The following ZNF138 variants were observed in gnomAD, a reference collection of about 807,000 sequenced individuals.
The protein encoded by ZNF138 is zinc finger protein 138, also known as zinc finger protein 138 (clone pHZ-32).
ZNF138 carries 33 observed loss-of-function variants against 33.0 expected under a neutral mutation model. The observed-to-expected ratio is 1.00, with a 90% CI of 0.76 to 1.34. ZNF138 has a LOEUF of 1.34. ZNF138 is among the 40% of genes most tolerant of loss of function. The pLI is 0.00. For missense variants in ZNF138, 360 were observed against 370.8 expected, an observed-to-expected ratio of 0.97 and a Z score of 0.24; for synonymous variants, 139 against 120.4, an observed-to-expected ratio of 1.15 and a Z score of -1.01.
At chr7:64,808,994 A>C (rs1354778959) in intron 1 of ZNF138, among the ~76,000 whole-genome samples, 1 of 134,014 alleles carries the variant, frequency 7.5e-6, no homozygotes, top group East Asian at 2.2e-4. Context: ...CTTTCTACAC[A>C]GACACGGCAA....
Position 64,831,812 on chromosome 7 carries a change from T to C in ZNF138, c.570T>C (p.Thr190=), listed in dbSNP as rs1290054755. The C allele has an allele frequency of 1.5e-5, 24 of 1,613,602 alleles. No homozygotes were observed. Among genetic ancestry groups the C allele is most frequent in the Non-Finnish European group, 2.0e-5 (24 of 1,179,896 alleles). ...TAACTCAACATAAAAAAATTCATAC[T>C]AGAGAGAATTTCTACAAATGTGAAG... ...SRLTQHKKIH[T]RENFYKCEEC... Residue 190 remains threonine, a synonymous_variant, in exon 4 of 4, where the codon ACT becomes ACC. Coordinates refer to ENST00000307355, the MANE Select transcript of ZNF138 (RefSeq NM_001271639.2).
chr7:64,797,562 C>T (rs1786788299), intron 1 of ZNF138, among the ~76,000 whole-genome samples: 2 of 151,978 alleles, frequency 1.3e-5, no homozygotes, highest in South Asian at 4.1e-4. Context: ...GAAGCCTCCC[C>T]TGCGGATGTC....
chr7:64,837,445 G>A (rs545592164), downstream of ZNF138, among the ~76,000 whole-genome samples: 12 of 152,148 alleles, frequency 7.9e-5, no homozygotes, highest in Non-Finnish European at 1.3e-4. Context: ...GTGAGGTAGG[G>A]CAGGTACGTG....
chr7:64,828,533 T>G (rs1384554905), intron 3 of ZNF138, among the ~76,000 whole-genome samples: 2 of 152,176 alleles, frequency 1.3e-5, no homozygotes, highest in African/African-American at 4.8e-5. Flanking sequence ...ATATTTTAAA[T>G]TATATTTACT....
the ZNF138 span, among the ~76,000 whole-genome samples, chr7:64,849,947 C>G: frequency 6.6e-6 from 1 of 152,108 alleles, no homozygotes; most frequent in Non-Finnish European, 1.5e-5. Flanking sequence ...CAATTCACAC[C>G]CTTTCCGAAT....
intron 1 of ZNF138, among the ~76,000 whole-genome samples, chr7:64,807,732 C>A (rs78933589): frequency 6.6e-6 from 1 of 152,162 alleles, no homozygotes; most frequent in Admixed American, 6.5e-5. Flanking sequence ...CTTAAAGCCC[C>A]GCTTTGGGAG....
the ZNF138 span, among the ~76,000 whole-genome samples, chr7:64,860,620 A>G: frequency 1.3e-5 from 2 of 152,220 alleles, no homozygotes; most frequent in Non-Finnish European, 2.9e-5. Context: ...CTAGTAAACT[A>G]AAAATACCCA....
chr7:64,854,492 C>A, the ZNF138 span, among the ~76,000 whole-genome samples: 1 of 152,222 alleles, frequency 6.6e-6, no homozygotes, highest in Non-Finnish European at 1.5e-5. Context: ...CGGCCCACCT[C>A]GGCCTCCAAA....
At chr7:64,823,799 G>T (rs551234000) in intron 3 of ZNF138, among the ~76,000 whole-genome samples, 1 of 152,104 alleles carries the variant, frequency 6.6e-6, no homozygotes, top group South Asian at 2.1e-4. Flanking sequence ...TTAGCTGGGC[G>T]TGGTGGCACG....
intron 1 of ZNF138, among the ~76,000 whole-genome samples, chr7:64,806,978 G>C (rs1787652468): frequency 6.6e-6 from 1 of 152,148 alleles, no homozygotes; most frequent in Non-Finnish European, 1.5e-5. Context: ...GAAGGTTGTG[G>C]GTTTACCGGA....
intron 1 of ZNF138, among the ~76,000 whole-genome samples, chr7:64,799,229 C>T (rs144352523): frequency 4.7e-4 from 72 of 151,950 alleles, no homozygotes; most frequent in African/African-American, 1.6e-3. Context: ...TGCAATGGCA[C>T]GATCTCGGCT....
At chr7:64,849,607 G>A in the ZNF138 span, among the ~76,000 whole-genome samples, 1,405 of 152,152 alleles carry the variant, frequency 9.2e-3, 17 homozygotes, top group Non-Finnish European at 0.015. Context: ...GCTTGGGCGG[G>A]GTTTGCTGCA....
chr7:64,858,514 AAATAT>A, the ZNF138 span, among the ~76,000 whole-genome samples: 2 of 152,256 alleles, frequency 1.3e-5, no homozygotes, highest in Non-Finnish European at 2.9e-5. Context: ...TTGCTTTAAC[AAATAT>A]ATTATTCCTT....
chr7:64,832,078 A>C lies in ZNF138; in HGVS notation c.836A>C (p.Tyr279Ser). The change falls in exon 4 of 4, where the codon TAC becomes TCC. Residue 279 changes from tyrosine to serine, a missense_variant. Coordinates refer to ENST00000307355, the MANE Select transcript of ZNF138 (RefSeq NM_001271639.2). ...HKIIHTEEKPYKCEQCGKVFK... is the reference protein window; with the variant it reads ...HKIIHTEEKPSKCEQCGKVFK... ...ATAATTCATACTGAAGAGAAACCCT[A>C]CAAATGTGAACAATGTGGCAAGGTC... The C allele has an allele frequency of 6.2e-7, 1 of 1,613,864 alleles. No individual in the cohort carries two copies. The highest frequency in any genetic ancestry group is 8.5e-7 in the Non-Finnish European group (1 of 1,179,926).
At chr7:64,800,182 A>T (rs1787031554) in intron 1 of ZNF138, among the ~76,000 whole-genome samples, 1 of 152,060 alleles carries the variant, frequency 6.6e-6, no homozygotes, top group Non-Finnish European at 1.5e-5. Flanking sequence ...AATACCTTTT[A>T]TTTTAGTCTC....
At chr7:64,796,400 G>GT (rs1423729445) in intron 1 of ZNF138, among the ~76,000 whole-genome samples, 1 of 152,120 alleles carries the variant, frequency 6.6e-6, no homozygotes, top group African/African-American at 2.4e-5. Flanking sequence ...AGATACATCT[G>GT]TTTTTTAATC....
downstream of ZNF138, chr7:64,836,288 A>G (rs1219683866): frequency 2.0e-5 from 3 of 152,266 alleles, no homozygotes; most frequent in Non-Finnish European, 4.4e-5. Flanking sequence ...CAGAGGAAGC[A>G]GTGGGAGAGG....
intron 1 of ZNF138, among the ~76,000 whole-genome samples, chr7:64,799,907 C>T (rs1197328320): frequency 6.6e-6 from 1 of 152,200 alleles, no homozygotes; most frequent in Non-Finnish European, 1.5e-5. Flanking sequence ...CTCGGCCTCC[C>T]AAAGTGCTGG....
chr7:64,858,444 A>T, the ZNF138 span, among the ~76,000 whole-genome samples: 1 of 152,234 alleles, frequency 6.6e-6, no homozygotes, highest in Non-Finnish European at 1.5e-5. Context: ...CATAAGGGAT[A>T]ATGTGAGAAG....
Sources: allele counts gnomAD v4.1 joint callset (sites outside exome capture counted in the v4.1 genomes callset), GRCh38; gene constraint gnomAD v4.1.1; transcripts MANE v1.5; gene names NCBI Gene and HGNC (gene_info 2026-07-23, HGNC 2026-07-21).